Variants in CHD6 observed in about 807,000 individuals in gnomAD.
CHD6 encodes ATP-dependent chromatin remodeler CHD6.
Under a neutral mutation model 276.9 loss-of-function variants are expected in CHD6, and 50 were observed. The ratio of observed to expected loss-of-function variants is 0.18; its 90% CI spans 0.14 to 0.23. The LOEUF is 0.23. Among genes scored for constraint, CHD6 ranks in the 10% least tolerant of loss-of-function variants. The pLI, the probability that CHD6 is intolerant of heterozygous loss-of-function variation, is 1.00. For synonymous variants in CHD6, 1,173 were observed against 1,229.3 expected (o/e 0.95, Z 0.96); for missense variants, 2,564 against 3,365.8 (o/e 0.76, Z 5.89).
intron 6 of CHD6, among the ~76,000 whole-genome samples, chr20:41,498,811 A>ATGTATGTATGTATG (rs1555796111): frequency 3.5e-5 from 3 of 86,608 alleles, no homozygotes; most frequent in South Asian, 3.6e-4. Flanking sequence ...GTATGTATGT[A>ATGTATGTATGTATG]TGTGTGTGTG....
chr20:41,606,979 C>T (rs1480708119), intron 1 of CHD6, among the ~76,000 whole-genome samples: 5 of 152,146 alleles, frequency 3.3e-5, no homozygotes, highest in East Asian at 3.9e-4. Flanking sequence ...TGCATTAAAA[C>T]CTCTGATGAC....
chr20:41,450,983 C>A lies in CHD6; in HGVS notation c.3646G>T (p.Asp1216Tyr). ...TGTTTGAGGTGTTTCTTATAGCCAT[C>A]ATCATGCAAGACCACCTCGGGGTTG... ...TCNPEVVLHD[D>Y]GYKKHLKQHC... Residue 1216 changes from aspartate to tyrosine, a missense_variant, in exon 23 of 37, where the codon GAT (aspartate) becomes TAT (tyrosine). Asp to Tyr is a radical substitution (Grantham distance 160). Transcript: ENST00000373233. 6.2e-7 allele frequency: 1 copy of A among 1,613,900 alleles called. No homozygotes were observed. The highest frequency in any genetic ancestry group is 8.5e-7 in the Non-Finnish European group (1 of 1,179,856).
intron 27 of CHD6, among the ~76,000 whole-genome samples, chr20:41,435,220 G>A (rs1031195175): frequency 3.3e-5 from 5 of 152,064 alleles, no homozygotes; most frequent in Non-Finnish European, 5.9e-5. Context: ...AAGCAATGCC[G>A]AGGGAAATTT....
chr20:41,571,547 C>T (rs2045417771), intron 1 of CHD6, among the ~76,000 whole-genome samples: 1 of 151,946 alleles, frequency 6.6e-6, no homozygotes, highest in Non-Finnish European at 1.5e-5. Context: ...GCCGCCAACA[C>T]ACCTGGCCAA....
At chr20:41,440,727 A>G (rs1431035980) in intron 25 of CHD6, among the ~76,000 whole-genome samples, 1 of 152,218 alleles carries the variant, frequency 6.6e-6, no homozygotes, top group Non-Finnish European at 1.5e-5. Flanking sequence ...CTCAAAAAGG[A>G]AGCAAAACAA....
intron 1 of CHD6, among the ~76,000 whole-genome samples, chr20:41,573,211 G>A (rs572017175): frequency 6.6e-6 from 1 of 152,248 alleles, no homozygotes; most frequent in East Asian, 1.9e-4. Context: ...ACCAGGCCAA[G>A]ACCATTCTAC....
chr20:41,559,162 ACACAC>A (rs2045273917), intron 1 of CHD6, among the ~76,000 whole-genome samples: 1 of 151,850 alleles, frequency 6.6e-6, no homozygotes, highest in African/African-American at 2.4e-5. Flanking sequence ...ACACACACAC[ACACAC>A]ACACACACAC....
rs2048252284 is a variant in CHD6, at chr20:41,451,921, T to C, written c.3428A>G (p.Lys1143Arg). Residue 1143 changes from lysine (K) to arginine (R), a missense_variant, in exon 22 of 37, where the codon AAG becomes AGG. Transcript: ENST00000373233. ...ICRALLVYCV[K>R]HYKGDEKIKS... ...GATCTTCTCGTCCCCCTTATAATGC[T>C]TGACACAGTACACCAGGAGGGCACG... is the stretch of plus-strand genomic sequence containing the variant. 3.1e-6 allele frequency: 5 copies of C among 1,614,024 alleles called. No individual in the cohort carries two copies. Among genetic ancestry groups the C allele is most frequent in the Admixed American group, 1.7e-5 (1 of 60,008 alleles).
intron 5 of CHD6, among the ~76,000 whole-genome samples, chr20:41,504,964 G>A (rs1015209067): frequency 2.6e-5 from 4 of 152,288 alleles, no homozygotes; most frequent in Admixed American, 2.6e-4. Flanking sequence ...CAACCAGGGC[G>A]AGGGGGTGGT....
rs537389302 is a variant in CHD6 at position 41,473,636 on chromosome 20, C to T, written c.2469-119G>A. Reference sequence around the variant, plus strand: ...AAATCCCTCACTTCTAAATTTGGACCAAATGACAGCAGTCTAGAAGGAATC... The same window carrying T: ...AAATCCCTCACTTCTAAATTTGGACTAAATGACAGCAGTCTAGAAGGAATC... On this transcript the variant is annotated intron_variant, in intron 16 of 36. Coordinates refer to ENST00000373233, the MANE Select transcript of CHD6 (RefSeq NM_032221.5). The surrounding 1 kb of genome is among the most constrained non-coding windows in gnomAD (Gnocchi z 4.1). 7.9e-6 allele frequency: 6 copies of T among 755,642 alleles called. No homozygotes were observed. The South Asian group carries it at 1.1e-4, about 13-fold the overall frequency. The allele number at this position is 755,642 out of a possible 1,614,324, so 46.8% of individuals were successfully genotyped here.
At chr20:41,545,946 C>A (rs1415685267) in intron 2 of CHD6, among the ~76,000 whole-genome samples, 1 of 152,078 alleles carries the variant, frequency 6.6e-6, no homozygotes, top group Non-Finnish European at 1.5e-5. Flanking sequence ...TTCCCTTGGC[C>A]CCCATACTCT....
intron 17 of CHD6, among the ~76,000 whole-genome samples, chr20:41,463,604 G>A (rs1299776545): frequency 2.6e-5 from 4 of 152,016 alleles, no homozygotes; most frequent in Admixed American, 1.3e-4. Context: ...AAATCCAAAC[G>A]GAGGGACAAC....
rs2044154560 is a variant in CHD6, at chr20:41,512,864, T to C, written c.834A>G (p.Thr278=). ...GCCATACCTCCGCCTGCCAGGCCAG[T>C]GTAGAGGCTGAGAGTGCAGATGTTC... ...AGRTSALSAS[T]LAWQAEEPPE... The change falls in exon 5 of 37, where the codon ACA becomes ACG. Residue 278 remains threonine, a synonymous_variant. Transcript: ENST00000373233. The C allele has an allele frequency of 5.6e-6, 9 of 1,614,062 alleles. No homozygotes were observed. Among genetic ancestry groups the C allele is most frequent in the East Asian group, 2.2e-5 (1 of 44,868 alleles).
At chr20:41,591,389 C>T (rs1210650235) in intron 1 of CHD6, among the ~76,000 whole-genome samples, 2 of 150,684 alleles carry the variant, frequency 1.3e-5, no homozygotes, top group African/African-American at 2.4e-5. Flanking sequence ...TACACACACA[C>T]ACACACACAC....
At chr20:41,590,482 T>C (rs1385333607) in intron 1 of CHD6, among the ~76,000 whole-genome samples, 1 of 151,992 alleles carries the variant, frequency 6.6e-6, no homozygotes, top group Admixed American at 6.5e-5. Flanking sequence ...AGGGCTAATA[T>C]CCAGAATCTA....
In CHD6 at chr20:41,421,681, A is replaced by T; in HGVS notation, c.4954T>A (p.Ser1652Thr). 6.2e-7 allele frequency: 1 copy of T among 1,613,646 alleles called. No homozygotes were observed. The highest frequency in any genetic ancestry group is 1.3e-5 in the African/African-American group (1 of 75,026). ...SLTYSQMSRTSESLENEPENL... is the reference protein window; with the variant it reads ...SLTYSQMSRTTESLENEPENL... ...TCAGGTTCATTTTCAAGGGACTCTGAAGTCCTACTCATTTGAGAATATGTA... is the reference window on the plus strand; with the variant it reads ...TCAGGTTCATTTTCAAGGGACTCTGTAGTCCTACTCATTTGAGAATATGTA... Residue 1652 changes from serine to threonine, a missense_variant, in exon 31 of 37, where the codon TCA becomes ACA. Coordinates refer to ENST00000373233, the MANE Select transcript of CHD6 (RefSeq NM_032221.5).
intron 1 of CHD6, among the ~76,000 whole-genome samples, chr20:41,561,175 A>G (rs927726344): frequency 1.3e-5 from 2 of 152,226 alleles, no homozygotes; most frequent in Non-Finnish European, 2.9e-5. Flanking sequence ...GTGTTCCAAT[A>G]AAACTTTTTT....
chr20:41,597,022 C>A (rs2045724820), intron 1 of CHD6, among the ~76,000 whole-genome samples: 1 of 152,094 alleles, frequency 6.6e-6, no homozygotes. Context: ...AGCCCCCACT[C>A]ACTAGGCCAT....
chr20:41,518,422 G>A (rs1027558306), intron 3 of CHD6, among the ~76,000 whole-genome samples: 23 of 152,142 alleles, frequency 1.5e-4, no homozygotes, highest in Admixed American at 1.4e-3. Context: ...TAGGAGACTT[G>A]TGTGCATTTT....
Sources: allele counts gnomAD v4.1 joint callset (sites outside exome capture counted in the v4.1 genomes callset), GRCh38; gene constraint gnomAD v4.1.1; non-coding constraint Gnocchi (gnomAD v3.1); transcripts MANE v1.5; gene names NCBI Gene and HGNC (gene_info 2026-07-23, HGNC 2026-07-21).